The following SGCZ variants were observed in gnomAD, a reference collection of about 807,000 sequenced individuals.
SGCZ encodes the protein sarcoglycan zeta, also known as zeta-sarcoglycan.
In SGCZ, 40 loss-of-function variants were observed where a neutral mutation model predicts 41.3. The ratio of observed to expected loss-of-function variants is 0.97; its 90% confidence interval spans 0.75 to 1.26. SGCZ has a LOEUF of 1.26. Among genes scored for constraint, SGCZ ranks in the 50% most tolerant of loss-of-function variants. The pLI, the probability that SGCZ is intolerant of heterozygous loss-of-function variation, is 0.00. For missense variants in SGCZ, 552 were observed against 369.8 expected, an observed-to-expected ratio of 1.49 and a Z score of -4.04; for synonymous variants, 206 against 137.5, an observed-to-expected ratio of 1.50 and a Z score of -3.49.
chr8:14,300,221 G>T (rs374234651), intron 3 of SGCZ, among the ~76,000 whole-genome samples: 1 of 147,790 alleles, frequency 6.8e-6, no homozygotes, highest in African/African-American at 2.5e-5. Flanking sequence ...AATTAAAAAA[G>T]AACAAAATTC....
In SGCZ at chr8:14,226,277, T is replaced by C. The variant is rs528648827; in HGVS notation, c.424+11315A>G. On this transcript the variant is annotated intron_variant, in intron 4 of 7. Transcript: ENST00000382080. ...GTTACTATAGAGTCAATTTTCGGTG[T>C]ATACTTCTGTGAATCCTAACACATG... Among the ~76,000 whole-genome samples, 3 of 152,234 alleles carry C rather than the reference T, an allele frequency of 2.0e-5. No homozygotes were observed. The South Asian group carries it at 6.2e-4, about 32-fold the overall frequency.
At position 14,086,756 on chromosome 8, in the gene SGCZ, T is replaced by C. The variant is rs575388883; in HGVS notation, c.*3687A>G. ...GTAAAAGGGAGTATAAAAAAGAGCA[T>C]AGGAAGTAGCGTGCCAAAAAGGTTT... On this transcript the variant is annotated 3_prime_UTR_variant, in exon 8 of 8. Transcript: ENST00000382080. Among the ~76,000 whole-genome samples the C allele has an allele frequency of 1.3e-4, 20 of 151,712 alleles. No homozygotes were observed. Among genetic ancestry groups the C allele is most frequent in the Admixed American group, 1.1e-3 (17 of 15,200 alleles).
At chr8:14,542,095 G>A (rs570097180) in intron 2 of SGCZ, among the ~76,000 whole-genome samples, 1 of 152,188 alleles carries the variant, frequency 6.6e-6, no homozygotes, top group South Asian at 2.1e-4. Context: ...TGTTCACTCT[G>A]ATGATATTTT....
intron 1 of SGCZ, among the ~76,000 whole-genome samples, chr8:14,872,289 C>T (rs1804189279): frequency 6.6e-6 from 1 of 152,024 alleles, no homozygotes; most frequent in Non-Finnish European, 1.5e-5. Flanking sequence ...GCACATTCTG[C>T]ACATATATCC....
intron 1 of SGCZ, among the ~76,000 whole-genome samples, chr8:14,835,854 GTC>G (rs1802684945): frequency 6.6e-6 from 1 of 152,088 alleles, no homozygotes; most frequent in Non-Finnish European, 1.5e-5. Flanking sequence ...TCATTACAAA[GTC>G]TTAAAAATAA....
At chr8:14,513,291 G>A (rs1802518252) in intron 2 of SGCZ, among the ~76,000 whole-genome samples, 1 of 151,964 alleles carries the variant, frequency 6.6e-6, no homozygotes, top group South Asian at 2.1e-4. Flanking sequence ...TCCCACCTTG[G>A]CCTCCCAAAG....
intron 1 of SGCZ, among the ~76,000 whole-genome samples, chr8:14,928,445 T>A (rs184325862): frequency 2.7e-3 from 414 of 152,254 alleles, no homozygotes; most frequent in Non-Finnish European, 2.6e-3. Context: ...TAAAACGCGA[T>A]GACAATATAA....
At chr8:14,342,130 G>T (rs1487669361) in intron 2 of SGCZ, among the ~76,000 whole-genome samples, 1 of 152,118 alleles carries the variant, frequency 6.6e-6, no homozygotes, top group Non-Finnish European at 1.5e-5. Flanking sequence ...TGCTGATAGG[G>T]ATATGAACAA....
At chr8:14,219,279 C>T (rs565776629) in intron 4 of SGCZ, among the ~76,000 whole-genome samples, 1 of 152,138 alleles carries the variant, frequency 6.6e-6, no homozygotes, top group South Asian at 2.1e-4. Context: ...TGCTGCCTGT[C>T]GGATCTACTA....
intron 2 of SGCZ, among the ~76,000 whole-genome samples, chr8:14,400,355 A>G (rs1041156106): frequency 6.6e-6 from 1 of 152,118 alleles, no homozygotes. Context: ...ATATGTTTGC[A>G]TTTCTCTTTG....
At chr8:14,192,442 T>A (rs1444301500) in intron 4 of SGCZ, among the ~76,000 whole-genome samples, 2 of 151,908 alleles carry the variant, frequency 1.3e-5, no homozygotes, top group Non-Finnish European at 2.9e-5. Flanking sequence ...TCATGTATAA[T>A]TTGGAAAAGC....
At chr8:14,250,971 T>C (rs1288674792) in intron 3 of SGCZ, among the ~76,000 whole-genome samples, 2 of 152,192 alleles carry the variant, frequency 1.3e-5, no homozygotes, top group Non-Finnish European at 2.9e-5. Flanking sequence ...CTCATGTCTG[T>C]AATCCTAGCA....
At chr8:14,408,617 A>G (rs2117269086) in intron 2 of SGCZ, among the ~76,000 whole-genome samples, 1 of 152,258 alleles carries the variant, frequency 6.6e-6, no homozygotes, top group East Asian at 1.9e-4. Context: ...ACACCCCTGT[A>G]TAATATTCTG....
intron 1 of SGCZ, among the ~76,000 whole-genome samples, chr8:14,758,839 T>C (rs1266919134): frequency 6.6e-6 from 1 of 151,966 alleles, no homozygotes; most frequent in Non-Finnish European, 1.5e-5. Context: ...AGAAACCCTG[T>C]CTCTACTAAA....
intron 6 of SGCZ, among the ~76,000 whole-genome samples, chr8:14,107,239 T>TA (rs200495044): frequency 0.062 from 9,036 of 145,272 alleles, 330 homozygotes; most frequent in African/African-American, 0.097. Context: ...AAAAAATAAA[T>TA]AAAAAAAAAA....
At position 14,973,297 on chromosome 8, in the gene SGCZ, A is replaced by G. The variant is rs547819123; in HGVS notation, c.39+264288T>C. ...ATCTCCCAGTCTTTGGCTGGGTGGG[A>G]GCTTAAGTTGTAGGCACTGTGCTGG... is the stretch of plus-strand genomic sequence containing the variant. On this transcript the variant is annotated intron_variant, in intron 1 of 7. Transcript: ENST00000382080. Among the ~76,000 whole-genome samples the G allele has an allele frequency of 9.1e-4, 138 of 152,110 alleles. 1 individual carries two copies. The highest frequency in any genetic ancestry group is 3.1e-3 in the African/African-American group (128 of 41,518).
chr8:14,874,464 G>C (rs1218697511), intron 1 of SGCZ, among the ~76,000 whole-genome samples: 1 of 152,036 alleles, frequency 6.6e-6, no homozygotes, highest in African/African-American at 2.4e-5. Context: ...TTGGGGATGG[G>C]AGATGAAATT....
intron 1 of SGCZ, among the ~76,000 whole-genome samples, chr8:14,926,647 T>G (rs966134267): frequency 1.3e-5 from 2 of 152,002 alleles, no homozygotes; most frequent in East Asian, 3.9e-4. Flanking sequence ...GTGTGTGGTT[T>G]TTTTTTGTTT....
chr8:15,206,814 G>C (rs1046286125), intron 1 of SGCZ, among the ~76,000 whole-genome samples: 1 of 151,854 alleles, frequency 6.6e-6, no homozygotes, highest in Non-Finnish European at 1.5e-5. Context: ...CTAAGATTTC[G>C]TTCATAATGG....
Sources: gnomAD v4.1 joint callset for allele counts (sites outside exome capture counted in the v4.1 genomes callset) on GRCh38, gnomAD v4.1.1 for gene constraint, MANE v1.5 for transcripts, NCBI Gene and HGNC (gene_info 2026-07-23, HGNC 2026-07-21) for gene names.